The following FGD5 variants were observed in gnomAD, a reference collection of about 807,000 sequenced individuals.
The protein encoded by FGD5 is FYVE, RhoGEF and PH domain containing 5.
A neutral mutation model predicts 133.4 loss-of-function variants in FGD5; 28 were observed. That is an observed-to-expected ratio of 0.21 (90% CI 0.16 to 0.29). The LOEUF is 0.29. Among genes scored for constraint, FGD5 ranks in the 10% least tolerant of loss-of-function variants. The pLI is 1.00. For synonymous variants in FGD5, 810 were observed against 776.5 expected (o/e 1.04, Z -0.72); for missense variants, 1,858 against 1,895.2 (o/e 0.98, Z 0.36).
rs753781557 is a variant in FGD5 at position 14,932,568 on chromosome 3, C to A, written c.4198-9C>A. 6.2e-7 allele frequency: 1 copy of A among 1,608,558 alleles called. No individual in the cohort carries two copies. Among genetic ancestry groups the A allele is most frequent in the Non-Finnish European group, 8.5e-7 (1 of 1,178,222 alleles). The stretch of plus-strand genomic sequence containing the variant: ...GTTTAATGTCAATTTTTCCTTCTGT[C>A]CTCTGCAGGACAAAGTGGCCTTGGA... On this transcript the variant is annotated splice_polypyrimidine_tract_variant and intron_variant, in intron 18 of 19. Coordinates refer to ENST00000285046, the MANE Select transcript of FGD5 (RefSeq NM_152536.4).
At chr3:14,818,813 G>A (rs2036421933), upstream of FGD5, 2 of 812,416 alleles carry the variant, frequency 2.5e-6, no homozygotes, top group South Asian at 2.4e-5. Flanking sequence ...GAGGGCATAA[G>A]CCTAAGACAA....
chr3:14,919,023 C>A (rs1159223442), intron 13 of FGD5, among the ~76,000 whole-genome samples, 190 bp downstream of exon 13: 1 of 152,008 alleles, frequency 6.6e-6, no homozygotes, highest in African/African-American at 2.4e-5. Context: ...AAACTTTTCT[C>A]CCCCCAAAAA....
intron 11 of FGD5, among the ~76,000 whole-genome samples, chr3:14,915,157 A>G (rs1400862057): frequency 2.0e-5 from 3 of 151,896 alleles, no homozygotes; most frequent in African/African-American, 7.3e-5. Context: ...ACCTACTCCA[A>G]CTCTACTGGG....
chr3:14,810,943 G>T (rs1351322686), intron 1 of FGD5: 6 of 972,842 alleles, frequency 6.2e-6, no homozygotes, highest in Non-Finnish European at 7.3e-6. Flanking sequence ...TGGAGCTCCC[G>T]GGGAGCCCGG....
chr3:14,864,225 G>A lies in FGD5; in HGVS notation c.2623G>A (p.Asp875Asn). 2 of 1,614,014 alleles carry A rather than the reference G, an allele frequency of 1.2e-6. No homozygotes were observed. Among genetic ancestry groups the A allele is most frequent in the Non-Finnish European group, 1.7e-6 (2 of 1,179,886 alleles). The change falls in exon 2 of 20, where the codon GAC becomes AAC. Residue 875 changes from aspartate (D) to asparagine (N), a missense_variant. Transcript: ENST00000285046. ...DEEQRSSEEEDSASRDPSVTH... is the reference protein window; with the variant it reads ...DEEQRSSEEENSASRDPSVTH... ...AGAGCAGAGAAGCTCGGAGGAGGAGGACAGTGCTTCAAGAGACCCCAGTGT... is the reference window on the plus strand; with the variant it reads ...AGAGCAGAGAAGCTCGGAGGAGGAGAACAGTGCTTCAAGAGACCCCAGTGT...
intron 18 of FGD5, among the ~76,000 whole-genome samples, chr3:14,929,834 A>G (rs556454998): frequency 6.6e-6 from 1 of 152,342 alleles, no homozygotes; most frequent in African/African-American, 2.4e-5. Context: ...GAATGAATGA[A>G]TCTTTTGGTG....
intron 2 of FGD5, among the ~76,000 whole-genome samples, chr3:14,878,855 C>T (rs963067810): frequency 7.2e-5 from 11 of 152,096 alleles, no homozygotes; most frequent in African/African-American, 2.7e-4. Context: ...CACAGGCGCC[C>T]ACCACCATGC....
At chr3:14,847,561 CTCG>C (rs2037073742) in intron 1 of FGD5, among the ~76,000 whole-genome samples, 1 of 152,192 alleles carries the variant, frequency 6.6e-6, no homozygotes, top group African/African-American at 2.4e-5. Flanking sequence ...GCAGTATGTT[CTCG>C]TTGTTTTGTA....
chr3:14,932,126 A>T (rs1297568718), intron 18 of FGD5: 1 of 154,864 alleles, frequency 6.5e-6, no homozygotes, highest in African/African-American at 2.4e-5. Flanking sequence ...TCTGCCCCCC[A>T]GGCTGGGGTG....
At chr3:14,839,524 C>T (rs2036877515) in intron 1 of FGD5, among the ~76,000 whole-genome samples, 1 of 152,196 alleles carries the variant, frequency 6.6e-6, no homozygotes, top group African/African-American at 2.4e-5. Flanking sequence ...GGGCACAGCA[C>T]AGGGGCACAG....
chr3:14,908,442 T>G (rs2038380083), intron 10 of FGD5, among the ~76,000 whole-genome samples: 2 of 151,340 alleles, frequency 1.3e-5, no homozygotes, highest in Admixed American at 1.3e-4. Context: ...AAGGAGGGAG[T>G]CATGGCTTGG....
chr3:14,922,461 G>A lies in FGD5; in HGVS notation c.3720G>A (p.Val1240=). Residue 1240 remains valine (V), a synonymous_variant, in exon 15 of 20, where the codon GTG becomes GTA. Transcript: ENST00000285046. The surrounding 1 kb of genome is among the most constrained non-coding windows in gnomAD (Gnocchi z 4.1). ...TTGGGGAGAGGCCCCCCACCCTGGTGCCTGTCACACACGTCATGATGTGCA... is the reference window on the plus strand; with the variant it reads ...TTGGGGAGAGGCCCCCCACCCTGGTACCTGTCACACACGTCATGATGTGCA... ...VSLGERPPTL[V]PVTHVMMCMN... The A allele has an allele frequency of 6.3e-7, 1 of 1,574,818 alleles. No individual in the cohort carries two copies. Among genetic ancestry groups the A allele is most frequent in the Middle Eastern group, 1.7e-4 (1 of 6,018 alleles).
In FGD5 at chr3:14,820,174, C is replaced by T. The variant is rs2036455114; in HGVS notation, c.1103C>T (p.Ser368Leu). ...CSESCSPLSESAKGLESEQAP... is the reference protein window; with the variant it reads ...CSESCSPLSELAKGLESEQAP... ...GAGAGCTGTTCTCCTCTTTCTGAAT[C>T]AGCGAAAGGTTTAGAATCAGAGCAG... is the stretch of plus-strand genomic sequence containing the variant. Residue 368 changes from serine (S) to leucine (L), a missense_variant, in exon 1 of 20, where the codon TCA becomes TTA. Transcript: ENST00000285046. 1.2e-6 allele frequency: 2 copies of T among 1,613,772 alleles called. No homozygotes were observed. The highest frequency in any genetic ancestry group is 1.3e-5 in the African/African-American group (1 of 74,918).
intron 18 of FGD5, chr3:14,930,695 AAT>A (rs1265081181): frequency 6.6e-6 from 1 of 152,222 alleles, no homozygotes; most frequent in African/African-American, 2.4e-5. Context: ...TCTATAGACC[AAT>A]TTGGGGAGAA....
intron 1 of FGD5, 98 bp downstream of exon 1, chr3:14,821,694 G>C: frequency 7.0e-7 from 1 of 1,428,002 alleles, no homozygotes; most frequent in East Asian, 2.5e-5. Context: ...CCAGCCTCAG[G>C]CTCTGTTTCT....
intron 18 of FGD5, among the ~76,000 whole-genome samples, chr3:14,926,798 C>T (rs777226653): frequency 2.6e-5 from 4 of 151,906 alleles, no homozygotes; most frequent in Non-Finnish European, 4.4e-5. Context: ...TAATGTGAAA[C>T]ATTTCTATCT....
intron 1 of FGD5, among the ~76,000 whole-genome samples, chr3:14,825,578 A>G (rs1201033691): frequency 6.6e-6 from 1 of 152,132 alleles, no homozygotes; most frequent in Admixed American, 6.5e-5. Flanking sequence ...TGAGCTAGGA[A>G]TTTCAGGCTG....
In FGD5 at chr3:14,932,651, A is replaced by G; in HGVS notation, c.4272A>G (p.Glu1424=). The G allele has an allele frequency of 6.2e-7, 1 of 1,614,064 alleles. No individual in the cohort carries two copies. The highest frequency in any genetic ancestry group is 8.5e-7 in the Non-Finnish European group (1 of 1,179,894). ...CAGAAAAGGAAGAGGGCAGCAGTGA[A>G]GTAGGACCTATTTTTCACCTTTACC... ...IAPEKEEGSS[E]VGPIFHLYHK... The change falls in exon 19 of 20, where the codon GAA becomes GAG. Residue 1424 remains glutamate, a synonymous_variant. Transcript: ENST00000285046.
rs144691501 is a variant in FGD5, at chr3:14,927,464, AAATGAATG to A, written c.4197+1288_4197+1295del. ...TGAAACCCTATCTCAACGAAAAATAAAATGAATGAATGAATGAATGAATGAATGATGGA... is the reference window on the plus strand; with the variant it reads ...TGAAACCCTATCTCAACGAAAAATAAAATGAATGAATGAATGAATGATGGA... On this transcript the variant is annotated intron_variant, in intron 18 of 19. Coordinates refer to ENST00000285046, the MANE Select transcript of FGD5 (RefSeq NM_152536.4). 3.9e-5 allele frequency among the ~76,000 whole-genome samples: 6 copies of A among 152,106 alleles called. No homozygotes were observed. In the East Asian group the frequency reaches 1.2e-3, roughly 29 times the overall value.
Sources: gnomAD v4.1 joint callset for allele counts (sites outside exome capture counted in the v4.1 genomes callset) on GRCh38, gnomAD v4.1.1 for gene constraint, Gnocchi (gnomAD v3.1) non-coding constraint, MANE v1.5 for transcripts, NCBI Gene and HGNC (gene_info 2026-07-23, HGNC 2026-07-21) for gene names.